The following LRP11 variants were observed in gnomAD, a reference collection of about 807,000 sequenced individuals.
LRP11 encodes the protein LDL receptor related protein 11, also known as low-density lipoprotein receptor-related protein 11.
Under a neutral mutation model 43.1 loss-of-function variants are expected in LRP11, and 25 were observed. The observed-to-expected ratio is 0.58, with a 90% CI of 0.42 to 0.81. The LOEUF (loss-of-function observed/expected upper bound fraction) is 0.81. Among genes scored for constraint, LRP11 ranks in the 30% least tolerant of loss-of-function variants. The pLI is 0.00. For missense variants in LRP11, 623 were observed against 665.1 expected, an observed-to-expected ratio of 0.94 and a Z score of 0.70; for synonymous variants, 316 against 299.4, an observed-to-expected ratio of 1.06 and a Z score of -0.57.
chr6:149,854,975 G>C (rs991847373), intron 1 of LRP11, among the ~76,000 whole-genome samples: 3 of 152,130 alleles, frequency 2.0e-5, no homozygotes, highest in African/African-American at 7.2e-5. Flanking sequence ...AATCTGACGG[G>C]GTCATTCTGC....
rs2115367075 is a variant in LRP11, at chr6:149,820,294, T to C, written c.*255A>G. ...TTTCTCTCAGCTAAGTACACATTTC[T>C]ATTTTCAGGGACAGCTTACATAAAT... On this transcript the variant is annotated 3_prime_UTR_variant, in exon 7 of 7. Coordinates refer to ENST00000239367, the MANE Select transcript of LRP11 (RefSeq NM_032832.6). 3.2e-6 allele frequency: 1 copy of C among 315,404 alleles called. No individual in the cohort carries two copies. The highest frequency in any genetic ancestry group is 7.6e-5 in the East Asian group (1 of 13,218). 19.5% of individuals were successfully genotyped at this position (315,404 alleles called of 1,614,324 possible). A position where few individuals can be genotyped will look rare whatever the true frequency, so the allele number is the denominator to read the frequency against.
intron 3 of LRP11, among the ~76,000 whole-genome samples, chr6:149,841,809 G>A (rs1022482909): frequency 1.6e-3 from 236 of 152,216 alleles, no homozygotes; most frequent in African/African-American, 5.5e-3. Context: ...CTACTTGGGA[G>A]GCTGAGGCAG....
chr6:149,849,652 TG>T (rs1776690233), intron 2 of LRP11, among the ~76,000 whole-genome samples: 1 of 151,894 alleles, frequency 6.6e-6, no homozygotes. Context: ...TAGGCTGAGG[TG>T]GGAGGACTGC....
intron 3 of LRP11, among the ~76,000 whole-genome samples, chr6:149,839,170 C>CA (rs1776513275): frequency 6.6e-6 from 1 of 151,362 alleles, no homozygotes; most frequent in African/African-American, 2.4e-5. Context: ...GCTGAGATTA[C>CA]AGGTGTAAGC....
chr6:149,819,199 G>A lies in LRP11; in HGVS notation c.*1350C>T, dbSNP rs952301709. 27 of 151,904 alleles carry A rather than the reference G, an allele frequency of 1.8e-4. 1 individual carries two copies. The highest frequency in any genetic ancestry group is 5.8e-4 in the African/African-American group (24 of 41,344). The allele number at this position is 151,904 out of a possible 1,614,324, so 9.4% of individuals were successfully genotyped here. Reference sequence around the variant, plus strand: ...TTTTGATATGTTATATTCCCCACCCGAATTAAACCCTTTGTTAAAAGAACA... The same window carrying A: ...TTTTGATATGTTATATTCCCCACCCAAATTAAACCCTTTGTTAAAAGAACA... On this transcript the variant is annotated 3_prime_UTR_variant, in exon 7 of 7. Coordinates refer to ENST00000239367, the MANE Select transcript of LRP11 (RefSeq NM_032832.6).
intron 3 of LRP11, among the ~76,000 whole-genome samples, chr6:149,839,533 G>C (rs1262980879): frequency 1.3e-5 from 2 of 152,202 alleles, no homozygotes; most frequent in Admixed American, 6.5e-5. Flanking sequence ...ATTCTTTGGT[G>C]ATTTTGGAGA....
intron 5 of LRP11, among the ~76,000 whole-genome samples, chr6:149,834,444 C>T (rs1042327459): frequency 1.3e-5 from 2 of 152,162 alleles, no homozygotes; most frequent in Admixed American, 6.5e-5. Flanking sequence ...GCTTTGGTCT[C>T]GACTCTACTT....
chr6:149,829,729 C>T (rs933848350), intron 5 of LRP11, among the ~76,000 whole-genome samples: 85 of 152,086 alleles, frequency 5.6e-4, no homozygotes, highest in Non-Finnish European at 8.7e-4. Context: ...CAGTGTTCAC[C>T]TCACTGTTTC....
intron 2 of LRP11, among the ~76,000 whole-genome samples, chr6:149,849,098 G>A (rs940128127): frequency 1.3e-5 from 2 of 152,170 alleles, no homozygotes; most frequent in Non-Finnish European, 2.9e-5. Flanking sequence ...CAGTCATGGT[G>A]TTTTATTATA....
At chr6:149,842,889 A>C in intron 3 of LRP11, 94 bp downstream of exon 3, 1 of 1,424,058 alleles carries the variant, frequency 7.0e-7, no homozygotes, top group East Asian at 2.3e-5. Flanking sequence ...AATAAAATGG[A>C]AGAGCCCATG....
intron 2 of LRP11, among the ~76,000 whole-genome samples, chr6:149,845,758 T>TCAGGTCTTATCTGTCGGATAAGAC (rs11267953): frequency 1.4e-4 from 22 of 151,874 alleles, no homozygotes; most frequent in East Asian, 3.9e-4. Flanking sequence ...GACTTGGGGC[T>TCAGGTCTTATCTGTCGGATAAGAC]CAGGTCTTAT....
intron 3 of LRP11, chr6:149,842,743 C>T (rs1467408329): frequency 1.7e-5 from 25 of 1,487,214 alleles, no homozygotes; most frequent in Non-Finnish European, 2.1e-5. Context: ...TCAAGAGAAG[C>T]GGGAGCATCT....
At position 149,820,684 on chromosome 6, in the gene LRP11, C is replaced by A. The variant is rs145990394; in HGVS notation, c.1368G>T (p.Ala456=). 3.8e-6 allele frequency: 3 copies of A among 780,958 alleles called. No individual in the cohort carries two copies. The East Asian group carries it at 7.3e-5, about 19-fold the overall frequency. 48.4% of individuals were successfully genotyped at this position (780,958 alleles called of 1,614,324 possible). The part of the protein sequence containing the change: ...APETGAVLPL[A]LGLAITALLL... ...GCAGAGCAGTGATAGCCAAACCCAG[C>A]GCCAGGGGTAGCACTGCACCTTTGA... is the stretch of plus-strand genomic sequence containing the variant. Residue 456 remains alanine (A), a synonymous_variant, in exon 7 of 7, where the codon GCG becomes GCT. Transcript: ENST00000239367.
intron 1 of LRP11, among the ~76,000 whole-genome samples, chr6:149,859,396 A>ATATATATATATATATATTTTTT: frequency 2.8e-5 from 2 of 71,496 alleles, no homozygotes; most frequent in African/African-American, 8.2e-5. Context: ...ATATATATAT[A>ATATATATATATATATATTTTTT]TTTTTTTTTT....
intron 1 of LRP11, among the ~76,000 whole-genome samples, chr6:149,853,984 A>G (rs1776761798): frequency 6.6e-6 from 1 of 152,244 alleles, no homozygotes; most frequent in Non-Finnish European, 1.5e-5. Context: ...TACAAAATAA[A>G]GCCTGCATGT....
Position 149,837,398 on chromosome 6 carries a change from GC to G in LRP11, c.978del (p.Leu327SerfsTer28), listed in dbSNP as rs1776487694. On this transcript the variant is annotated frameshift_variant, in exon 4 of 7. Coordinates refer to ENST00000239367, the MANE Select transcript of LRP11 (RefSeq NM_032832.6). LOFTEE classifies it high-confidence loss of function. ...CACTGCTGCACTCCATCGCAGGCGA[GC>G]GTGATGTCAATGCAGCAGCCATCGT... ...FCDDGCCIDITLACDGVQQCP... is the reference protein window; with the variant it reads ...FCDDGCCIDIXLACDGVQQCP... 1.2e-6 allele frequency: 2 copies of G among 1,614,138 alleles called. No homozygotes were observed. The highest frequency in any genetic ancestry group is 2.7e-5 in the African/African-American group (2 of 75,012).
At chr6:149,843,214 G>A (rs1776578464) in intron 2 of LRP11, 90 bp from the exon 3 acceptor site, 1 of 1,477,046 alleles carries the variant, frequency 6.8e-7, no homozygotes, top group Admixed American at 1.7e-5. Flanking sequence ...TGTCCTCAGA[G>A]CAGCCCCAGG....
chr6:149,826,038 C>A, intron 6 of LRP11: 1 of 518,412 alleles, frequency 1.9e-6, no homozygotes, highest in Non-Finnish European at 3.5e-6. Context: ...AGGTGTCACA[C>A]CTGGAAGGGT....
At chr6:149,830,832 G>A (rs1321729304) in intron 5 of LRP11, among the ~76,000 whole-genome samples, 2 of 152,206 alleles carry the variant, frequency 1.3e-5, no homozygotes, top group African/African-American at 4.8e-5. Context: ...TTCAGAAGGC[G>A]CAGTTGCCCC....
Sources: allele counts gnomAD v4.1 joint callset (sites outside exome capture counted in the v4.1 genomes callset), GRCh38; gene constraint gnomAD v4.1.1; transcripts MANE v1.5; gene names NCBI Gene and HGNC (gene_info 2026-07-23, HGNC 2026-07-21).